The following CPEB3 variants were observed in gnomAD, a reference collection of about 807,000 sequenced individuals.
CPEB3 encodes the protein cytoplasmic polyadenylation element binding protein 3.
A neutral mutation model predicts 67.2 loss-of-function variants in CPEB3; 20 were observed. That is an observed-to-expected ratio of 0.30 (90% confidence interval 0.21 to 0.43). The LOEUF is 0.43. CPEB3 is among the 20% of genes least tolerant of loss of function. The probability of loss-of-function intolerance (pLI) is 1.00; values close to 1 mark genes in which losing one functional copy is unlikely to be tolerated. For missense variants in CPEB3, 746 were observed against 968.6 expected (o/e 0.77, Z 3.05); for synonymous variants, 376 against 393.1 (o/e 0.96, Z 0.51).
At chr10:92,158,346 T>C (rs1847304443) in intron 4 of CPEB3, among the ~76,000 whole-genome samples, 1 of 152,220 alleles carries the variant, frequency 6.6e-6, no homozygotes, top group African/African-American at 2.4e-5. Context: ...AGGGTTTATA[T>C]TGGAGCCTAT....
intron 2 of CPEB3, among the ~76,000 whole-genome samples, chr10:92,236,496 C>A (rs1851537688): frequency 6.6e-6 from 1 of 152,124 alleles, no homozygotes. Flanking sequence ...GCCTGTAATC[C>A]CAGCACTTTG....
At chr10:92,099,245 G>A (rs1461313888) in intron 7 of CPEB3, among the ~76,000 whole-genome samples, 1 of 149,648 alleles carries the variant, frequency 6.7e-6, no homozygotes, top group African/African-American at 2.5e-5. Flanking sequence ...TTTTGAGACA[G>A]GGTCTCAGTC....
rs761306247 is a variant in CPEB3, at chr10:92,240,164, G to T, written c.187C>A (p.Pro63Thr). ...ATCTTGTCCGGGCCGTTGGGGGCCGGGGGGGCAGCGGCTGGGCTGAGGGCC... is the reference window on the plus strand; with the variant it reads ...ATCTTGTCCGGGCCGTTGGGGGCCGTGGGGGCAGCGGCTGGGCTGAGGGCC... Reference protein sequence around the residue: ...VPALSPAAAPPAPNGPDKMQM... With the variant: ...VPALSPAAAPTAPNGPDKMQM... Residue 63 changes from proline to threonine, a missense_variant, in exon 2 of 10, where the codon CCG becomes ACG. Coordinates refer to ENST00000265997, the MANE Select transcript of CPEB3 (RefSeq NM_014912.5). 122 of 1,547,124 alleles carry T rather than the reference G, an allele frequency of 7.9e-5. No individual in the cohort carries two copies. The highest frequency in any genetic ancestry group is 1.0e-4 in the Non-Finnish European group (118 of 1,144,764).
chr10:92,238,529 G>A lies in CPEB3; in HGVS notation c.1005+817C>T, dbSNP rs1851649117. On this transcript the variant is annotated intron_variant, in intron 2 of 9. Coordinates refer to ENST00000265997, the MANE Select transcript of CPEB3 (RefSeq NM_014912.5). Reference sequence around the variant, plus strand: ...TCTGTATTTTCTTAACCCAACTGATGAAGGACACTGCAGCTTTAAATATTT... The same window carrying A: ...TCTGTATTTTCTTAACCCAACTGATAAAGGACACTGCAGCTTTAAATATTT... 2.0e-5 allele frequency among the ~76,000 whole-genome samples: 3 copies of A among 151,826 alleles called. No individual in the cohort carries two copies. In the South Asian group the frequency reaches 6.2e-4, roughly 32 times the overall value.
intron 3 of CPEB3, among the ~76,000 whole-genome samples, chr10:92,188,454 G>T (rs1848804892): frequency 6.6e-6 from 1 of 151,900 alleles, no homozygotes; most frequent in Non-Finnish European, 1.5e-5. Flanking sequence ...GGGCGCAGTG[G>T]CTCATGCCTG....
chr10:92,264,641 G>A (rs533894602), intron 1 of CPEB3, among the ~76,000 whole-genome samples: 3 of 151,570 alleles, frequency 2.0e-5, no homozygotes, highest in South Asian at 4.2e-4. Context: ...GCTTGAACCC[G>A]GGAGGCAGAG....
chr10:92,155,135 TG>T (rs1396827356), intron 4 of CPEB3, among the ~76,000 whole-genome samples: 1 of 152,066 alleles, frequency 6.6e-6, no homozygotes, highest in African/African-American at 2.4e-5. Context: ...CTTGAACCCG[TG>T]AGGCGGAGGT....
chr10:92,105,500 G>T (rs1564783807), intron 7 of CPEB3, among the ~76,000 whole-genome samples: 1 of 151,798 alleles, frequency 6.6e-6, no homozygotes, highest in Non-Finnish European at 1.5e-5. Flanking sequence ...CCCTTCTCTT[G>T]GCCAACTCCA....
chr10:92,192,759 A>T, intron 2 of CPEB3, 123 bp from the exon 3 acceptor site: 1 of 599,490 alleles, frequency 1.7e-6, no homozygotes, highest in South Asian at 3.4e-5. Context: ...CCAACAGCAT[A>T]CAGTCCTTCT....
chr10:92,210,718 T>C (rs1320089393), intron 2 of CPEB3, among the ~76,000 whole-genome samples: 1 of 152,220 alleles, frequency 6.6e-6, no homozygotes, highest in African/African-American at 2.4e-5. Context: ...ATAACATCTA[T>C]ACTAAATAAA....
intron 9 of CPEB3, among the ~76,000 whole-genome samples, chr10:92,060,412 T>C (rs941684411): frequency 2.6e-5 from 4 of 152,078 alleles, no homozygotes; most frequent in African/African-American, 4.8e-5. Context: ...ACTATGAAGC[T>C]ACTAAAGGAA....
chr10:92,081,318 AC>A lies in CPEB3; in HGVS notation c.1869+1del. ...GCAGTTTCACCCTAAGTAGGTGCTT[AC>A]CCGTTTGTCAATGTCATTGTGCTGA... On this transcript the variant is annotated splice_donor_variant, in intron 9 of 9. Transcript: ENST00000265997. LOFTEE classifies it high-confidence loss of function. The A allele has an allele frequency of 6.2e-7, 1 of 1,614,206 alleles. No homozygotes were observed. Among genetic ancestry groups the A allele is most frequent in the Non-Finnish European group, 8.5e-7 (1 of 1,180,038 alleles).
intron 2 of CPEB3, among the ~76,000 whole-genome samples, chr10:92,228,218 G>A (rs983267105): frequency 2.0e-5 from 3 of 152,264 alleles, no homozygotes; most frequent in Middle Eastern, 3.4e-3. Flanking sequence ...ATGTGGCAAA[G>A]AGTTGAACAG....
intron 2 of CPEB3, among the ~76,000 whole-genome samples, chr10:92,216,041 C>A (rs1850365913): frequency 2.6e-5 from 2 of 77,482 alleles, no homozygotes; most frequent in Admixed American, 3.6e-4. Flanking sequence ...AGCCACCGCG[C>A]CCAGCTCATT....
intron 1 of CPEB3, among the ~76,000 whole-genome samples, chr10:92,272,930 G>A (rs192512033): frequency 1.3e-5 from 2 of 152,318 alleles, no homozygotes; most frequent in East Asian, 3.9e-4. Flanking sequence ...GGAAAGAGGT[G>A]AAGGTCAATG....
intron 1 of CPEB3, among the ~76,000 whole-genome samples, chr10:92,249,505 T>TAGG (rs1852204718): frequency 6.6e-6 from 1 of 152,044 alleles, no homozygotes; most frequent in African/African-American, 2.4e-5. Context: ...TACTCTTTAG[T>TAGG]AGAAAGGTGG....
chr10:92,220,171 C>T (rs1337358673), intron 2 of CPEB3, among the ~76,000 whole-genome samples: 2 of 152,008 alleles, frequency 1.3e-5, no homozygotes, highest in African/African-American at 4.8e-5. Context: ...ATCAATCTCC[C>T]ACCCAGCCCC....
chr10:92,175,630 T>C (rs1316909350), intron 4 of CPEB3, among the ~76,000 whole-genome samples: 1 of 152,136 alleles, frequency 6.6e-6, no homozygotes, highest in East Asian at 1.9e-4. Flanking sequence ...GCCAGTAGGA[T>C]CCAAAGACAG....
intron 2 of CPEB3, among the ~76,000 whole-genome samples, chr10:92,204,025 G>C (rs1849662445): frequency 6.6e-6 from 1 of 151,960 alleles, no homozygotes; most frequent in African/African-American, 2.4e-5. Flanking sequence ...CTGATGAGTT[G>C]TTTTTTTAAT....
Sources: allele counts gnomAD v4.1 joint callset (sites outside exome capture counted in the v4.1 genomes callset), GRCh38; gene constraint gnomAD v4.1.1; transcripts MANE v1.5; gene names NCBI Gene and HGNC (gene_info 2026-07-23, HGNC 2026-07-21).